STIM1: variants seen among roughly 807,000 people sequenced by gnomAD.
The protein encoded by STIM1 is stromal interaction molecule 1.
In STIM1, 25 loss-of-function variants were observed where a neutral mutation model predicts 74.7. The observed-to-expected ratio is 0.33, with a 90% CI of 0.24 to 0.47. The LOEUF (loss-of-function observed/expected upper bound fraction) is 0.47. Among genes scored for constraint, STIM1 ranks in the 20% least tolerant of loss-of-function variants. STIM1 has a pLI of 1.00. For synonymous variants in STIM1, 328 were observed against 348.8 expected, an observed-to-expected ratio of 0.94 and a Z score of 0.66; for missense variants, 728 against 920.8, an observed-to-expected ratio of 0.79 and a Z score of 2.71.
At chr11:4,062,995 G>A (rs906051925) in intron 5 of STIM1, among the ~76,000 whole-genome samples, 4 of 152,090 alleles carry the variant, frequency 2.6e-5, no homozygotes, top group Non-Finnish European at 1.5e-5. Flanking sequence ...AGTAAAAGAA[G>A]CCAGTCACAA....
chr11:3,927,557 C>T (rs1280575647), intron 1 of STIM1, among the ~76,000 whole-genome samples: 1 of 152,192 alleles, frequency 6.6e-6, no homozygotes, highest in Non-Finnish European at 1.5e-5. Context: ...CTCTTTTGGT[C>T]TTAGCCACTC....
intron 1 of STIM1, among the ~76,000 whole-genome samples, chr11:3,941,473 G>C (rs1021264304): frequency 6.6e-6 from 1 of 152,050 alleles, no homozygotes; most frequent in African/African-American, 2.4e-5. Context: ...TCTTGGTAGG[G>C]TTAAGCAGTA....
chr11:3,927,946 A>G (rs1191259556), intron 1 of STIM1, among the ~76,000 whole-genome samples: 1 of 152,214 alleles, frequency 6.6e-6, no homozygotes, highest in African/African-American at 2.4e-5. Context: ...CTTGCAATAC[A>G]GATAGAAAGG....
chr11:3,951,229 G>C (rs555724320), intron 1 of STIM1, among the ~76,000 whole-genome samples: 3 of 152,136 alleles, frequency 2.0e-5, no homozygotes, highest in Non-Finnish European at 4.4e-5. Context: ...TGTAAGGAAG[G>C]GCTGCTCTTC....
At chr11:3,902,711 A>T (rs936977525) in intron 1 of STIM1, among the ~76,000 whole-genome samples, 1 of 152,182 alleles carries the variant, frequency 6.6e-6, no homozygotes, top group Non-Finnish European at 1.5e-5. Context: ...GACCCTTGGC[A>T]TAGGGAATAG....
intron 1 of STIM1, among the ~76,000 whole-genome samples, chr11:3,926,894 G>A (rs1185416501): frequency 6.6e-6 from 1 of 152,218 alleles, no homozygotes; most frequent in Non-Finnish European, 1.5e-5. Flanking sequence ...AGATGCTTAA[G>A]TATGGAGTCA....
intron 2 of STIM1, among the ~76,000 whole-genome samples, chr11:4,013,852 C>T (rs1476750680): frequency 1.3e-5 from 2 of 151,514 alleles, no homozygotes; most frequent in Non-Finnish European, 2.9e-5. Flanking sequence ...CTACAGGCAC[C>T]CGCCACCATG....
chr11:3,904,152 G>A (rs535543720), intron 1 of STIM1, among the ~76,000 whole-genome samples: 31 of 131,028 alleles, frequency 2.4e-4, no homozygotes, highest in Non-Finnish European at 4.2e-4. Flanking sequence ...AGCCGAGATC[G>A]CTCCACTGTA....
At chr11:3,922,699 C>T (rs1235399059) in intron 1 of STIM1, 2 of 199,378 alleles carry the variant, frequency 1.0e-5, no homozygotes, top group Non-Finnish European at 2.1e-5. Context: ...CACTCTGTGA[C>T]AGCGTTCAGT....
chr11:3,930,219 A>T (rs1205720465), intron 1 of STIM1, among the ~76,000 whole-genome samples: 2 of 152,166 alleles, frequency 1.3e-5, no homozygotes, highest in Non-Finnish European at 2.9e-5. Context: ...GGCACTTTGC[A>T]TGTGTTTACC....
chr11:3,930,948 T>C (rs1455430576), intron 1 of STIM1, among the ~76,000 whole-genome samples: 1 of 152,236 alleles, frequency 6.6e-6, no homozygotes, highest in African/African-American at 2.4e-5. Flanking sequence ...TGCCAGGTAC[T>C]GTACTAGGCC....
At chr11:4,050,855 A>G in intron 3 of STIM1, among the ~76,000 whole-genome samples, 1 of 152,348 alleles carries the variant, frequency 6.6e-6, no homozygotes, top group Admixed American at 6.5e-5. Context: ...ACAATAAAGT[A>G]AGAGAAGAGG....
intron 3 of STIM1, among the ~76,000 whole-genome samples, chr11:4,034,262 T>TTATA (rs139115730): frequency 3.3e-5 from 5 of 150,610 alleles, no homozygotes; most frequent in Admixed American, 6.6e-5. Flanking sequence ...AATAACAAAA[T>TTATA]TATATATATA....
chr11:3,920,780 T>C (rs1590566286), intron 1 of STIM1, among the ~76,000 whole-genome samples: 1 of 151,482 alleles, frequency 6.6e-6, no homozygotes, highest in East Asian at 1.9e-4. Flanking sequence ...CCCTGAAGTA[T>C]CTTTTTTTTT....
At chr11:3,889,417 G>C (rs1340127060) in intron 1 of STIM1, among the ~76,000 whole-genome samples, 2 of 150,688 alleles carry the variant, frequency 1.3e-5, no homozygotes, top group African/African-American at 4.9e-5. Context: ...GCCCAGGCTG[G>C]AGAGCAATGG....
At chr11:4,084,646 T>A in intron 10 of STIM1, 27 bp from the exon 11 acceptor site, 1 of 1,288,618 alleles carries the variant, frequency 7.8e-7, no homozygotes, top group South Asian at 1.2e-5. Context: ...GATTCTCTTC[T>A]CCTTTTGGCC....
chr11:3,960,933 ATTG>A (rs1411610217), intron 1 of STIM1, among the ~76,000 whole-genome samples: 1 of 152,096 alleles, frequency 6.6e-6, no homozygotes, highest in Non-Finnish European at 1.5e-5. Context: ...GAGATTTGTT[ATTG>A]TTCTAAAATA....
intron 1 of STIM1, among the ~76,000 whole-genome samples, chr11:3,888,795 G>A (rs1418955821): frequency 1.3e-4 from 20 of 151,946 alleles, no homozygotes; most frequent in Admixed American, 1.1e-3. Flanking sequence ...CAAGTGATCC[G>A]CCCGTGTCGG....
intron 1 of STIM1, among the ~76,000 whole-genome samples, chr11:3,949,511 G>C (rs1420593293): frequency 6.6e-6 from 1 of 152,158 alleles, no homozygotes; most frequent in African/African-American, 2.4e-5. Context: ...CCTGAAAGGG[G>C]TCCTTGAGGG....
Sources: allele counts gnomAD v4.1 joint callset (sites outside exome capture counted in the v4.1 genomes callset), GRCh38; gene constraint gnomAD v4.1.1; transcripts MANE v1.5; gene names NCBI Gene and HGNC (gene_info 2026-07-23, HGNC 2026-07-21).